MMRN1: variants seen among roughly 807,000 people sequenced by gnomAD.
MMRN1 encodes multimerin 1, also known as multimerin-1.
A neutral mutation model predicts 100.7 loss-of-function variants in MMRN1; 94 were observed. The observed-to-expected ratio is 0.93, with a 90% confidence interval of 0.79 to 1.11. The LOEUF (loss-of-function observed/expected upper bound fraction) is 1.11, where lower values mean the gene tolerates loss of function less well. Among genes scored for constraint, MMRN1 ranks in the 50% least tolerant of loss-of-function variants. The pLI, the probability that MMRN1 is intolerant of heterozygous loss-of-function variation, is 0.00. For missense variants in MMRN1, 1,606 were observed against 1,439.1 expected (o/e 1.12, Z -1.88); for synonymous variants, 575 against 505.0 (o/e 1.14, Z -1.86).
At chr4:89,928,098 T>C in intron 5 of MMRN1, 130 bp downstream of exon 5, 1 of 629,916 alleles carries the variant, frequency 1.6e-6, no homozygotes, top group Admixed American at 3.8e-5. Context: ...AAGATTTTTT[T>C]TAATGAGATA....
At position 89,935,856 on chromosome 4, in the gene MMRN1, GA is replaced by G; in HGVS notation, c.2177del (p.Asp726ValfsTer7). The G allele has an allele frequency of 6.2e-7, 1 of 1,612,780 alleles. No homozygotes were observed. The highest frequency in any genetic ancestry group is 8.5e-7 in the Non-Finnish European group (1 of 1,179,366). On this transcript the variant is annotated frameshift_variant, in exon 6 of 8. Transcript: ENST00000264790. LOFTEE classifies it high-confidence loss of function. ...CAATGAATATGCCTTAGAAATGGAA[GA>G]TGGCCTCAATAAGACAATGACTATT... The part of the protein sequence containing the change: ...RINEYALEME[D>X]GLNKTMTIIN...
At position 89,883,066 on chromosome 4, in the gene MMRN1, T is replaced by C. The variant is rs1481653400; in HGVS notation, c.-249+3464T>C. Among the ~76,000 whole-genome samples, 6 of 152,082 alleles carry C rather than the reference T, an allele frequency of 3.9e-5. No individual in the cohort carries two copies. The East Asian group carries it at 1.2e-3, about 29-fold the overall frequency. On this transcript the variant is annotated intron_variant, in intron 1 of 8. Transcript: ENST00000394980. The stretch of plus-strand genomic sequence containing the variant: ...TCAGTAATCATATTGATTTTTGACA[T>C]TCATAGATGTAATTGCATGTATCAG...
chr4:89,883,234 T>C (rs1296984661), intron 1 of MMRN1, among the ~76,000 whole-genome samples: 1 of 152,122 alleles, frequency 6.6e-6, no homozygotes, highest in Non-Finnish European at 1.5e-5. Flanking sequence ...TAGACACATT[T>C]TTTATTTTCC....
chr4:89,952,687 T>A (rs1303619204), intron 7 of MMRN1, among the ~76,000 whole-genome samples: 1 of 152,166 alleles, frequency 6.6e-6, no homozygotes, highest in Non-Finnish European at 1.5e-5. Context: ...AATTCCTTTA[T>A]CTCTGGGGAG....
intron 1 of MMRN1, among the ~76,000 whole-genome samples, chr4:89,883,262 G>T (rs1443072204): frequency 6.6e-6 from 1 of 151,732 alleles, no homozygotes; most frequent in African/African-American, 2.4e-5. Flanking sequence ...AGTATCTCAG[G>T]CAAAATTCTT....
chr4:89,885,007 C>G (rs1720906293), intron 1 of MMRN1, among the ~76,000 whole-genome samples: 1 of 152,046 alleles, frequency 6.6e-6, no homozygotes, highest in Non-Finnish European at 1.5e-5. Context: ...GCTATAGACT[C>G]TTTGTAGATG....
At chr4:89,940,745 A>T (rs1304087222) in intron 6 of MMRN1, among the ~76,000 whole-genome samples, 1 of 152,138 alleles carries the variant, frequency 6.6e-6, no homozygotes, top group African/African-American at 2.4e-5. Flanking sequence ...TAGTGTATTA[A>T]GTTATTACTA....
At chr4:89,932,753 A>C (rs938074354) in intron 5 of MMRN1, among the ~76,000 whole-genome samples, 2 of 152,166 alleles carry the variant, frequency 1.3e-5, no homozygotes, top group African/African-American at 4.8e-5. Context: ...AGCACAAAGC[A>C]GCAAGGCCCC....
intron 1 of MMRN1, among the ~76,000 whole-genome samples, chr4:89,899,374 C>T (rs1721310178): frequency 6.6e-6 from 1 of 152,030 alleles, no homozygotes; most frequent in African/African-American, 2.4e-5. Context: ...TTGCTGAACA[C>T]CTTATCTGTC....
chr4:89,884,509 C>T (rs6814481), intron 1 of MMRN1, among the ~76,000 whole-genome samples: 60,666 of 151,952 alleles, frequency 0.4, 12,924 homozygotes, highest in East Asian at 0.46. Context: ...ATATGAACTA[C>T]GATTAATACA....
At position 89,911,863 on chromosome 4, in the gene MMRN1, A is replaced by G. The variant is rs1404643364; in HGVS notation, c.744-81A>G. 3.1e-6 allele frequency: 3 copies of G among 968,844 alleles called. No homozygotes were observed. The African/African-American group carries it at 5.0e-5, about 16-fold the overall frequency. The allele number at this position is 968,844 out of a possible 1,614,324, so 60.0% of individuals were successfully genotyped here. A position where few individuals can be genotyped will look rare whatever the true frequency, so the allele number is the denominator to read the frequency against. On this transcript the variant is annotated intron_variant, in intron 2 of 7. Transcript: ENST00000264790. ...TTGTTATATTGTAGGCATTGCCCCA[A>G]AAACTTTACATTTATTATTCCGGCT...
chr4:89,923,022 C>T (rs1722138481), intron 3 of MMRN1, 146 bp from the exon 4 acceptor site: 9 of 648,806 alleles, frequency 1.4e-5, no homozygotes, highest in Non-Finnish European at 2.2e-5. Flanking sequence ...TGGTTGGGGG[C>T]GGAGCAGCTT....
At chr4:89,886,297 C>T (rs1031613966) in intron 1 of MMRN1, among the ~76,000 whole-genome samples, 1 of 152,022 alleles carries the variant, frequency 6.6e-6, no homozygotes, top group Non-Finnish European at 1.5e-5. Flanking sequence ...CCTGTTATTG[C>T]TGCTTTGACT....
intron 1 of MMRN1, among the ~76,000 whole-genome samples, chr4:89,885,858 T>C (rs1416174305): frequency 6.6e-6 from 1 of 152,054 alleles, no homozygotes; most frequent in Non-Finnish European, 1.5e-5. Context: ...TTATTTTTCT[T>C]TCTTCTTTGC....
chr4:89,899,328 A>T (rs1298299240), intron 1 of MMRN1, among the ~76,000 whole-genome samples: 1 of 152,074 alleles, frequency 6.6e-6, no homozygotes, highest in African/African-American at 2.4e-5. Flanking sequence ...GGAAATAAGA[A>T]ATTAGGATTA....
chr4:89,943,765 A>T (rs1260758389), intron 6 of MMRN1, among the ~76,000 whole-genome samples: 1 of 152,108 alleles, frequency 6.6e-6, no homozygotes, highest in African/African-American at 2.4e-5. Flanking sequence ...TAAGGTGTGC[A>T]GATCACTTAA....
At chr4:89,949,590 A>C (rs1723094509) in intron 6 of MMRN1, among the ~76,000 whole-genome samples, 1 of 152,246 alleles carries the variant, frequency 6.6e-6, no homozygotes, top group African/African-American at 2.4e-5. Context: ...ACATGCAGCA[A>C]AGTGAGGTTA....
intron 6 of MMRN1, among the ~76,000 whole-genome samples, chr4:89,950,177 A>C (rs920494750): frequency 6.6e-6 from 1 of 152,212 alleles, no homozygotes; most frequent in African/African-American, 2.4e-5. Context: ...AATCTACCTC[A>C]TTCTTTAATT....
intron 6 of MMRN1, among the ~76,000 whole-genome samples, chr4:89,941,826 G>GA (rs1290801539): frequency 6.6e-6 from 1 of 152,116 alleles, no homozygotes; most frequent in Non-Finnish European, 1.5e-5. Flanking sequence ...GTCTGCTGGG[G>GA]ATGGCCTCCC....
Sources: gnomAD v4.1 joint callset for allele counts (sites outside exome capture counted in the v4.1 genomes callset) on GRCh38, gnomAD v4.1.1 for gene constraint, MANE v1.5 for transcripts, NCBI Gene and HGNC (gene_info 2026-07-23, HGNC 2026-07-21) for gene names.